Variants in RGS6 observed in about 807,000 individuals in gnomAD.
The protein encoded by RGS6 is regulator of G-protein signaling 6.
Under a neutral mutation model 78.5 loss-of-function variants are expected in RGS6, and 30 were observed. That is an observed-to-expected ratio of 0.38 (90% CI 0.29 to 0.52). RGS6 has a LOEUF of 0.52. Ranked by LOEUF, RGS6 falls within the 20% of genes least tolerant of loss-of-function variation. RGS6 has a pLI of 0.85. For missense variants in RGS6, 495 were observed against 609.7 expected, an observed-to-expected ratio of 0.81 and a Z score of 1.98; for synonymous variants, 206 against 206.0, an observed-to-expected ratio of 1.00 and a Z score of 0.00.
intron 2 of RGS6, among the ~76,000 whole-genome samples, chr14:72,084,245 A>G (rs890956955): frequency 6.6e-6 from 1 of 152,212 alleles, no homozygotes; most frequent in African/African-American, 2.4e-5. Context: ...GCAGTTCACA[A>G]TATGGTTTGC....
At chr14:72,045,750 G>A (rs2092783909) in intron 2 of RGS6, among the ~76,000 whole-genome samples, 1 of 151,912 alleles carries the variant, frequency 6.6e-6, no homozygotes, top group African/African-American at 2.4e-5. Context: ...AGGCTAGAGG[G>A]GGCCAGAGTA....
At chr14:72,562,091 G>A (rs889715850) in intron 17 of RGS6, among the ~76,000 whole-genome samples, 16 of 152,072 alleles carry the variant, frequency 1.1e-4, no homozygotes, top group African/African-American at 3.1e-4. Flanking sequence ...GCAGCCCGCC[G>A]GCATTAAAAA....
chr14:72,557,348 A>C lies in RGS6; in HGVS notation c.1423-5069A>C, dbSNP rs549558404. Among the ~76,000 whole-genome samples the C allele has an allele frequency of 3.9e-5, 6 of 152,372 alleles. No homozygotes were observed. The South Asian group carries it at 1.0e-3, about 26-fold the overall frequency. On this transcript the variant is annotated intron_variant, in intron 17 of 17. Transcript: ENST00000553525. ...CAGTTTTAGACATCATTGAGGAAGA[A>C]GATGCCACGGAATTCTTTGCATTCC...
chr14:72,221,824 C>T (rs2046932700), intron 2 of RGS6, among the ~76,000 whole-genome samples: 1 of 152,186 alleles, frequency 6.6e-6, no homozygotes, highest in African/African-American at 2.4e-5. Flanking sequence ...TCGCTGTGTG[C>T]TAGTTGGCTT....
intron 2 of RGS6, among the ~76,000 whole-genome samples, chr14:72,151,779 T>C (rs1306497808): frequency 1.3e-5 from 2 of 152,214 alleles, no homozygotes; most frequent in Non-Finnish European, 2.9e-5. Context: ...ACATATCCCA[T>C]GAGGCAGCAG....
intron 2 of RGS6, among the ~76,000 whole-genome samples, chr14:72,283,101 A>C (rs1001355136): frequency 6.6e-6 from 1 of 152,174 alleles, no homozygotes; most frequent in Admixed American, 6.5e-5. Context: ...CACGTATTTC[A>C]GAATTTCCTT....
At chr14:72,372,472 C>T (rs189301656) in intron 3 of RGS6, among the ~76,000 whole-genome samples, 27 of 152,250 alleles carry the variant, frequency 1.8e-4, no homozygotes, top group African/African-American at 6.0e-4. Flanking sequence ...TAATATGCCC[C>T]TAGAATATTA....
chr14:72,409,370 C>G (rs1216482192), intron 3 of RGS6, among the ~76,000 whole-genome samples: 1 of 151,994 alleles, frequency 6.6e-6, no homozygotes, highest in African/African-American at 2.4e-5. Context: ...GTAGAAAGTC[C>G]CTAGTTAGAG....
Position 72,487,408 on chromosome 14 carries a change from C to T in RGS6, c.855-7744C>T, listed in dbSNP as rs189173434. 3.1e-3 allele frequency among the ~76,000 whole-genome samples: 472 copies of T among 152,280 alleles called. 2 individuals carry two copies. The highest frequency in any genetic ancestry group is 0.011 in the African/African-American group (457 of 41,532). On this transcript the variant is annotated intron_variant, in intron 12 of 17. Coordinates refer to ENST00000553525, the MANE Select transcript of RGS6 (RefSeq NM_001204424.2). The stretch of plus-strand genomic sequence containing the variant: ...CTCTCAAAGATGTCCATGTTCTAAT[C>T]CCCAGAACCTGTGAATAGGTTATGT...
At chr14:72,472,726 A>G (rs2096119172) in intron 8 of RGS6, 146 bp from the exon 9 acceptor site, 3 of 554,588 alleles carry the variant, frequency 5.4e-6, no homozygotes, top group Non-Finnish European at 6.6e-6. Context: ...CCTATTTCAC[A>G]GCTCTGCAGA....
chr14:72,554,194 G>A (rs1439183161), intron 17 of RGS6, among the ~76,000 whole-genome samples: 1 of 152,252 alleles, frequency 6.6e-6, no homozygotes, highest in Non-Finnish European at 1.5e-5. Context: ...GGGATGAGAG[G>A]TCAGCAATTC....
At chr14:72,555,056 GCTTCCTCCACCTGGC>G (rs1374121533) in intron 17 of RGS6, among the ~76,000 whole-genome samples, 7 of 152,204 alleles carry the variant, frequency 4.6e-5, no homozygotes, top group Non-Finnish European at 1.0e-4. Flanking sequence ...AGCAGGGAGG[GCTTCCTCCACCTGGC>G]TGGGCACCCC....
intron 2 of RGS6, among the ~76,000 whole-genome samples, chr14:72,210,001 C>A (rs1366304252): frequency 6.6e-6 from 1 of 152,150 alleles, no homozygotes; most frequent in Non-Finnish European, 1.5e-5. Context: ...TTAGAGAGCA[C>A]CCTTTTATGG....
At chr14:72,002,430 A>G (rs556883201) in intron 2 of RGS6, among the ~76,000 whole-genome samples, 3 of 152,282 alleles carry the variant, frequency 2.0e-5, no homozygotes, top group Non-Finnish European at 4.4e-5. Context: ...TCAGTGTCTA[A>G]GGTTTGTATA....
the RGS6 span, among the ~76,000 whole-genome samples, chr14:72,584,634 T>C: frequency 2.0e-5 from 3 of 151,998 alleles, no homozygotes; most frequent in African/African-American, 7.3e-5. Flanking sequence ...TGACAGAGGG[T>C]GATCCTACAG....
At chr14:72,177,224 C>T (rs1191534592) in intron 2 of RGS6, among the ~76,000 whole-genome samples, 1 of 152,162 alleles carries the variant, frequency 6.6e-6, no homozygotes, top group African/African-American at 2.4e-5. Flanking sequence ...CATAGGCACC[C>T]ATGTCTCTCA....
the RGS6 span, among the ~76,000 whole-genome samples, chr14:71,878,304 C>T: frequency 1.3e-5 from 2 of 152,338 alleles, no homozygotes; most frequent in East Asian, 3.9e-4. Context: ...GCAGGCAGGC[C>T]TCCTTTAGCT....
At chr14:72,197,140 A>T (rs938665222) in intron 2 of RGS6, among the ~76,000 whole-genome samples, 1 of 152,098 alleles carries the variant, frequency 6.6e-6, no homozygotes, top group African/African-American at 2.4e-5. Flanking sequence ...ATCTTGGCTC[A>T]CTTCTACCTC....
intron 2 of RGS6, among the ~76,000 whole-genome samples, chr14:72,349,941 A>G (rs2078805754): frequency 1.3e-5 from 2 of 152,208 alleles, no homozygotes; most frequent in Admixed American, 1.3e-4. Context: ...TTCAAATAAT[A>G]TGCTAGATCA....
Sources: gnomAD v4.1 joint callset for allele counts (sites outside exome capture counted in the v4.1 genomes callset) on GRCh38, gnomAD v4.1.1 for gene constraint, MANE v1.5 for transcripts, NCBI Gene and HGNC (gene_info 2026-07-23, HGNC 2026-07-21) for gene names.